The following PRKAA1 variants were observed in gnomAD, a reference collection of about 807,000 sequenced individuals.
PRKAA1 encodes the protein protein kinase AMP-activated catalytic subunit alpha 1.
In PRKAA1, 23 loss-of-function variants were observed where a neutral mutation model predicts 56.9. The observed-to-expected ratio is 0.40, with a 90% CI of 0.29 to 0.57. The LOEUF (loss-of-function observed/expected upper bound fraction) is 0.57, where lower values mean the gene tolerates loss of function less well. Ranked by LOEUF, PRKAA1 falls within the 20% of genes least tolerant of loss-of-function variation. The probability of loss-of-function intolerance (pLI) is 0.39; values close to 1 mark genes in which losing one functional copy is unlikely to be tolerated. For synonymous variants in PRKAA1, 226 were observed against 227.0 expected, an observed-to-expected ratio of 1.00 and a Z score of 0.04; for missense variants, 413 against 679.7, an observed-to-expected ratio of 0.61 and a Z score of 4.36.
intron 3 of PRKAA1, among the ~76,000 whole-genome samples, chr5:40,772,477 T>G (rs1743792349): frequency 6.6e-6 from 1 of 152,224 alleles, no homozygotes; most frequent in Admixed American, 6.5e-5. Flanking sequence ...TGTTGCTATA[T>G]GTCCTAAAAT....
chr5:40,788,295 A>C (rs1399136735), intron 1 of PRKAA1, among the ~76,000 whole-genome samples: 3 of 152,226 alleles, frequency 2.0e-5, no homozygotes, highest in African/African-American at 7.2e-5. Context: ...CAATAATGTC[A>C]TTTGGAAAAC....
intron 8 of PRKAA1, 107 bp from the exon 9 acceptor site, chr5:40,763,129 A>G (rs1422230372): frequency 1.9e-6 from 2 of 1,079,656 alleles, no homozygotes; most frequent in Non-Finnish European, 2.7e-6. Flanking sequence ...CCAGCTATCA[A>G]GAGCACGCTT....
chr5:40,776,381 G>A (rs781260162), intron 2 of PRKAA1, among the ~76,000 whole-genome samples: 16 of 152,186 alleles, frequency 1.1e-4, no homozygotes, highest in South Asian at 2.1e-4. Flanking sequence ...ATTTTGGGCC[G>A]GGTTGAGTTT....
chr5:40,760,999 T>C lies in PRKAA1; in HGVS notation c.*1779A>G, dbSNP rs1743160973. ...GTGACTACATCTTCATTTACATCTA[T>C]TGTGTGATGCAATTAAGAATGACAA... is the stretch of plus-strand genomic sequence containing the variant. On this transcript the variant is annotated 3_prime_UTR_variant, in exon 9 of 9. Coordinates refer to ENST00000397128, the MANE Select transcript of PRKAA1 (RefSeq NM_006251.6). 1 of 152,196 alleles carries C rather than the reference T, an allele frequency of 6.6e-6. No individual in the cohort carries two copies. The highest frequency in any genetic ancestry group is 2.4e-5 in the African/African-American group (1 of 41,394). 9.4% of individuals were successfully genotyped at this position (152,196 alleles called of 1,614,324 possible). A position where few individuals can be genotyped will look rare whatever the true frequency, so the allele number is the denominator to read the frequency against.
intron 1 of PRKAA1, among the ~76,000 whole-genome samples, chr5:40,789,427 G>A (rs1436474585): frequency 6.6e-6 from 1 of 152,062 alleles, no homozygotes; most frequent in Non-Finnish European, 1.5e-5. Flanking sequence ...TATAAATACA[G>A]CCATTTTGTA....
intron 5 of PRKAA1, chr5:40,768,988 C>T: frequency 7.8e-7 from 1 of 1,280,926 alleles, no homozygotes; most frequent in Non-Finnish European, 1.1e-6. Flanking sequence ...CTAAAGATTA[C>T]TTCAGCCCAG....
intron 1 of PRKAA1, among the ~76,000 whole-genome samples, chr5:40,779,658 T>C (rs1579739597): frequency 6.6e-6 from 1 of 152,304 alleles, no homozygotes; most frequent in South Asian, 2.1e-4. Context: ...CCAGACAACC[T>C]GAATCTTCTG....
chr5:40,766,058 T>C (rs1477950285), intron 6 of PRKAA1, among the ~76,000 whole-genome samples: 1 of 152,206 alleles, frequency 6.6e-6, no homozygotes, highest in Non-Finnish European at 1.5e-5. Flanking sequence ...TCAATTGTCA[T>C]GTATTATATT....
rs910950216 is a variant in PRKAA1, at chr5:40,760,792, G to A, written c.*1986C>T. 2 of 152,508 alleles carry A rather than the reference G, an allele frequency of 1.3e-5. No homozygotes were observed. The highest frequency in any genetic ancestry group is 2.4e-5 in the African/African-American group (1 of 41,362). 9.4% of individuals were successfully genotyped at this position (152,508 alleles called of 1,614,324 possible). A position where few individuals can be genotyped will look rare whatever the true frequency, so the allele number is the denominator to read the frequency against. ...TGACATTTGAGTTCATTATCATCTG[G>A]TTACATAAGTGCTCACTGTATTTGC... On this transcript the variant is annotated 3_prime_UTR_variant, in exon 9 of 9. Transcript: ENST00000397128.
At chr5:40,767,314 A>G (rs1743505681) in intron 6 of PRKAA1, 152 bp downstream of exon 6, 1 of 598,834 alleles carries the variant, frequency 1.7e-6, no homozygotes, top group Non-Finnish European at 2.7e-6. Context: ...TGTATTTCTA[A>G]TAACAAAATA....
intron 1 of PRKAA1, among the ~76,000 whole-genome samples, chr5:40,784,571 TA>T (rs1744393600): frequency 6.6e-6 from 1 of 151,256 alleles, no homozygotes; most frequent in Non-Finnish European, 1.5e-5. Context: ...AAAAGCAGCT[TA>T]ATTTGATGTG....
chr5:40,778,813 G>A, intron 1 of PRKAA1, among the ~76,000 whole-genome samples: 1 of 114,706 alleles, frequency 8.7e-6, no homozygotes, highest in Non-Finnish European at 1.7e-5. Flanking sequence ...TTGAGACAGG[G>A]TGTCACTCTA....
chr5:40,785,837 C>G (rs112287054), intron 1 of PRKAA1, among the ~76,000 whole-genome samples: 4,554 of 51,864 alleles, frequency 0.088, 94 homozygotes, highest in East Asian at 0.24. Flanking sequence ...CACACACACA[C>G]ACAGAGAGAG....
At chr5:40,793,087 G>GA (rs1247035387) in intron 1 of PRKAA1, among the ~76,000 whole-genome samples, 6 of 150,192 alleles carry the variant, frequency 4.0e-5, no homozygotes, top group South Asian at 4.2e-4. Context: ...AAAAGAAAAA[G>GA]AAAAAAAAGA....
chr5:40,791,860 T>C (rs1744731161), intron 1 of PRKAA1, among the ~76,000 whole-genome samples: 1 of 152,228 alleles, frequency 6.6e-6, no homozygotes, highest in African/African-American at 2.4e-5. Flanking sequence ...ATCCTTCATC[T>C]GTCCTCAGAA....
intron 1 of PRKAA1, among the ~76,000 whole-genome samples, chr5:40,795,006 T>TACAC (rs1468122343): frequency 2.1e-5 from 3 of 139,838 alleles, no homozygotes; most frequent in African/African-American, 5.7e-5. Context: ...TATACATATA[T>TACAC]ATACACACAC....
chr5:40,784,136 G>C (rs573747952), intron 1 of PRKAA1, among the ~76,000 whole-genome samples: 1 of 152,218 alleles, frequency 6.6e-6, no homozygotes, highest in East Asian at 1.9e-4. Context: ...ATTATTTAGG[G>C]TTATTTATTT....
In PRKAA1 at chr5:40,765,252, G is replaced by C; in HGVS notation, c.822-14C>G. Reference sequence around the variant, plus strand: ...CATTCATGTTCCCTGAGAGAAAAATGGCAGGATCAGGAGAAGGACTTTGAA... The same window carrying C: ...CATTCATGTTCCCTGAGAGAAAAATCGCAGGATCAGGAGAAGGACTTTGAA... On this transcript the variant is annotated splice_polypyrimidine_tract_variant and intron_variant, in intron 6 of 8. Coordinates refer to ENST00000397128, the MANE Select transcript of PRKAA1 (RefSeq NM_006251.6). 6.3e-7 allele frequency: 1 copy of C among 1,595,180 alleles called. No homozygotes were observed. Among genetic ancestry groups the C allele is most frequent in the Non-Finnish European group, 8.5e-7 (1 of 1,170,620 alleles).
rs1743097005 is a variant in PRKAA1, at chr5:40,759,913, G to T, written c.*2865C>A. ...CCATATGCCCCAACCTGGTAGAAAA[G>T]TTCCTCTCAGTGAGAAATCATTTAT... On this transcript the variant is annotated 3_prime_UTR_variant, in exon 9 of 9. Coordinates refer to ENST00000397128, the MANE Select transcript of PRKAA1 (RefSeq NM_006251.6). 1 of 152,500 alleles carries T rather than the reference G, an allele frequency of 6.6e-6. No homozygotes were observed. The highest frequency in any genetic ancestry group is 2.4e-5 in the African/African-American group (1 of 41,416). 9.4% of individuals were successfully genotyped at this position (152,500 alleles called of 1,614,324 possible). A position where few individuals can be genotyped will look rare whatever the true frequency, so the allele number is the denominator to read the frequency against.
Sources: allele counts gnomAD v4.1 joint callset (sites outside exome capture counted in the v4.1 genomes callset), GRCh38; gene constraint gnomAD v4.1.1; transcripts MANE v1.5; gene names NCBI Gene and HGNC (gene_info 2026-07-23, HGNC 2026-07-21).